MYH10: variants seen among roughly 807,000 people sequenced by gnomAD.
MYH10 encodes the protein myosin-10.
A neutral mutation model predicts 257.8 loss-of-function variants in MYH10; 55 were observed. The observed-to-expected ratio is 0.21, with a 90% CI of 0.17 to 0.27. The LOEUF (loss-of-function observed/expected upper bound fraction) is 0.27, where lower values mean the gene tolerates loss of function less well. MYH10 is among the 10% of genes least tolerant of loss of function. The probability of loss-of-function intolerance (pLI) is 1.00; values close to 1 mark genes in which losing one functional copy is unlikely to be tolerated. For missense variants in MYH10, 1,631 were observed against 2,500.6 expected (o/e 0.65, Z 7.42); for synonymous variants, 854 against 921.7 (o/e 0.93, Z 1.33).
chr17:8,568,574 T>C (rs374974101), intron 7 of MYH10, among the ~76,000 whole-genome samples: 1 of 152,016 alleles, frequency 6.6e-6, no homozygotes. Flanking sequence ...CTTTTACCAA[T>C]ACTTCAGAGC....
intron 21 of MYH10, among the ~76,000 whole-genome samples, chr17:8,517,927 C>T (rs967475835): frequency 2.6e-5 from 4 of 152,176 alleles, no homozygotes; most frequent in Non-Finnish European, 5.9e-5. Context: ...TCTCTCTCCT[C>T]CCTTCACAGG....
chr17:8,477,155 GC>G lies in MYH10; in HGVS notation c.5707-108del, dbSNP rs1912810652. 3 of 1,300,682 alleles carry G rather than the reference GC, an allele frequency of 2.3e-6. No individual in the cohort carries two copies. The highest frequency in any genetic ancestry group is 2.6e-5 in the South Asian group (2 of 76,142). The allele number at this position is 1,300,682 out of a possible 1,614,324, so 80.6% of individuals were successfully genotyped here. ...GGGGCTCTGCCTGTTACCCTTGTGA[GC>G]ACGCGTGTACACGGATGTACACGCG... On this transcript the variant is annotated intron_variant, in intron 41 of 42. Coordinates refer to ENST00000360416, the MANE Select transcript of MYH10 (RefSeq NM_001256012.3). This position sits in a 1 kb window ranked among gnomAD's most constrained non-coding sequence, Gnocchi z 4.2.
At chr17:8,629,135 AAAACAAT>A (rs2085794308) in intron 1 of MYH10, among the ~76,000 whole-genome samples, 1 of 152,252 alleles carries the variant, frequency 6.6e-6, no homozygotes, top group African/African-American at 2.4e-5. Flanking sequence ...TGAAGGAGAT[AAAACAAT>A]AAATAGATTA....
chr17:8,616,060 G>A (rs1302326928), intron 2 of MYH10, among the ~76,000 whole-genome samples: 2 of 152,222 alleles, frequency 1.3e-5, no homozygotes, highest in Non-Finnish European at 2.9e-5. Flanking sequence ...GAGGCAGGCG[G>A]ATTGCTTTTG....
At chr17:8,566,220 C>G (rs912515507) in intron 7 of MYH10, among the ~76,000 whole-genome samples, 5 of 152,274 alleles carry the variant, frequency 3.3e-5, no homozygotes, top group East Asian at 3.9e-4. Context: ...GGTTAAAACC[C>G]TACATACATC....
intron 37 of MYH10, among the ~76,000 whole-genome samples, chr17:8,482,178 A>G (rs1037599847): frequency 4.6e-5 from 7 of 152,246 alleles, no homozygotes; most frequent in Non-Finnish European, 8.8e-5. Context: ...ATACTGGCCC[A>G]AAGTCCCAAG....
chr17:8,619,526 TA>T (rs1247400879), intron 2 of MYH10, among the ~76,000 whole-genome samples: 2 of 152,070 alleles, frequency 1.3e-5, no homozygotes, highest in African/African-American at 4.8e-5. Flanking sequence ...TACATCAACG[TA>T]AAACAGTAAG....
At chr17:8,555,162 C>T (rs1320423184) in intron 7 of MYH10, among the ~76,000 whole-genome samples, 2 of 151,672 alleles carry the variant, frequency 1.3e-5, no homozygotes, top group African/African-American at 4.8e-5. Context: ...TTTTGCAAAA[C>T]AAACATAATG....
chr17:8,591,167 T>C lies in MYH10; in HGVS notation c.503-2059A>G, dbSNP rs1375871971. On this transcript the variant is annotated intron_variant, in intron 3 of 42. Coordinates refer to ENST00000360416, the MANE Select transcript of MYH10 (RefSeq NM_001256012.3). ...GATCACAGGCATGAGCCACCGTACC[T>C]GGCCAATGTTGCCTTCTTTTAAGTG... Among the ~76,000 whole-genome samples, 6 of 152,294 alleles carry C rather than the reference T, an allele frequency of 3.9e-5. No homozygotes were observed. The East Asian group carries it at 1.2e-3, about 29-fold the overall frequency.
intron 37 of MYH10, 118 bp downstream of exon 37, chr17:8,484,016 TAAAA>T (rs1342199584): frequency 6.1e-6 from 6 of 975,620 alleles, no homozygotes; most frequent in Non-Finnish European, 8.8e-6. Flanking sequence ...CTTAAAAAAA[TAAAA>T]AACAAAAATG....
chr17:8,565,963 C>T (rs562503088), intron 7 of MYH10, among the ~76,000 whole-genome samples: 5 of 152,232 alleles, frequency 3.3e-5, no homozygotes, highest in Admixed American at 6.5e-5. Context: ...TTTGAAGGAA[C>T]GATCTAGAGC....
chr17:8,485,226 G>C (rs538784129), intron 36 of MYH10, among the ~76,000 whole-genome samples: 101 of 151,700 alleles, frequency 6.7e-4, no homozygotes, highest in African/African-American at 2.4e-3. Context: ...TCAAAATAAA[G>C]CAATTACATT....
At chr17:8,575,733 AAG>A (rs1017980019) in intron 6 of MYH10, among the ~76,000 whole-genome samples, 2 of 152,218 alleles carry the variant, frequency 1.3e-5, no homozygotes, top group African/African-American at 2.4e-5. Flanking sequence ...ATGTTTGTGG[AAG>A]ACCAACCAAA....
intron 4 of MYH10, among the ~76,000 whole-genome samples, chr17:8,582,017 T>C (rs762564601): frequency 6.6e-6 from 1 of 152,210 alleles, no homozygotes; most frequent in Non-Finnish European, 1.5e-5. Context: ...CCTAGCACTG[T>C]CCTCGCCAAA....
intron 7 of MYH10, among the ~76,000 whole-genome samples, chr17:8,567,871 AAAG>A (rs1414093738): frequency 1.1e-4 from 17 of 152,240 alleles, no homozygotes; most frequent in African/African-American, 3.9e-4. Context: ...CTCTGAGATT[AAAG>A]GAGAAGTGTG....
chr17:8,491,298 A>G (rs1915738416), intron 34 of MYH10, among the ~76,000 whole-genome samples: 1 of 152,362 alleles, frequency 6.6e-6, no homozygotes, highest in East Asian at 1.9e-4. Flanking sequence ...TTGTGGGATC[A>G]ACATGTGAGT....
chr17:8,623,683 C>T (rs963811737), intron 1 of MYH10, among the ~76,000 whole-genome samples: 5 of 151,130 alleles, frequency 3.3e-5, no homozygotes, highest in Non-Finnish European at 7.4e-5. Context: ...AATATGACCA[C>T]AAGGAAACAG....
Position 8,542,202 on chromosome 17 carries a change from G to A in MYH10, c.1510C>T (p.Leu504=), listed in dbSNP as rs1597784316. Residue 504 remains leucine (L), a synonymous_variant, in exon 14 of 43, where the codon CTA becomes TTA. Transcript: ENST00000360416. ...QQLFNHTMFI[L]EQEEYQREGI... The stretch of plus-strand genomic sequence containing the variant: ...TCGCGCTGGTATTCCTCTTGTTCTA[G>A]GATAAACATGGTGTGGTTGAACAGC... 2 of 1,614,146 alleles carry A rather than the reference G, an allele frequency of 1.2e-6. No individual in the cohort carries two copies. Among genetic ancestry groups the A allele is most frequent in the East Asian group, 2.2e-5 (1 of 44,892 alleles).
intron 6 of MYH10, among the ~76,000 whole-genome samples, chr17:8,575,233 T>C (rs930117061): frequency 3.3e-5 from 5 of 150,444 alleles, no homozygotes; most frequent in African/African-American, 1.2e-4. Context: ...ATCCACTCTG[T>C]AGTTTAAAAT....
Sources: allele counts gnomAD v4.1 joint callset (sites outside exome capture counted in the v4.1 genomes callset), GRCh38; gene constraint gnomAD v4.1.1; non-coding constraint Gnocchi (gnomAD v3.1); transcripts MANE v1.5; gene names NCBI Gene and HGNC (gene_info 2026-07-23, HGNC 2026-07-21).